Variants in DLGAP1 observed in about 807,000 individuals in gnomAD.
DLGAP1 encodes the protein DLG associated protein 1.
Under a neutral mutation model 90.8 loss-of-function variants are expected in DLGAP1, and 11 were observed. The ratio of observed to expected loss-of-function variants is 0.12; its 90% confidence interval spans 0.08 to 0.20. The LOEUF is 0.20. Among genes scored for constraint, DLGAP1 ranks in the 10% least tolerant of loss-of-function variants. The pLI is 1.00. For synonymous variants in DLGAP1, 558 were observed against 540.7 expected, an observed-to-expected ratio of 1.03 and a Z score of -0.44; for missense variants, 1,050 against 1,333.8, an observed-to-expected ratio of 0.79 and a Z score of 3.31.
intron 4 of DLGAP1, among the ~76,000 whole-genome samples, chr18:3,832,478 A>G (rs1204068903): frequency 3.3e-5 from 5 of 152,210 alleles, no homozygotes; most frequent in Non-Finnish European, 5.9e-5. Context: ...GTAGGCACTT[A>G]GCCACCTACT....
In DLGAP1 at chr18:4,333,450, T is replaced by C. The variant is rs2080994469; in HGVS notation, c.-267+121556A>G. Among the ~76,000 whole-genome samples, 3 of 151,718 alleles carry C rather than the reference T, an allele frequency of 2.0e-5. No individual in the cohort carries two copies. In the South Asian group the frequency reaches 6.2e-4, roughly 31 times the overall value. On this transcript the variant is annotated intron_variant, in intron 1 of 12. Transcript: ENST00000315677. ...TCTCAGTGGCCAAAGCAACCCACTT[T>C]TGGATAGGAAGACCTATAATGTCAC...
intron 7 of DLGAP1, among the ~76,000 whole-genome samples, chr18:3,609,420 T>A (rs2057488154): frequency 6.6e-6 from 1 of 152,196 alleles, no homozygotes; most frequent in African/African-American, 2.4e-5. Flanking sequence ...TTTCTGTTAC[T>A]AATCTGTCTT....
rs541725193 is a variant in DLGAP1, at chr18:4,036,327, G to C, written c.-158-31126C>G. 2.6e-5 allele frequency among the ~76,000 whole-genome samples: 4 copies of C among 152,284 alleles called. No homozygotes were observed. In the East Asian group the frequency reaches 7.7e-4, roughly 29 times the overall value. On this transcript the variant is annotated intron_variant, in intron 2 of 12. Transcript: ENST00000315677. Reference sequence around the variant, plus strand: ...ACTGCATTTTGAAATGCAGTACTTAGGAAGAATCTTGGAGAGCATTTAATT... The same window carrying C: ...ACTGCATTTTGAAATGCAGTACTTACGAAGAATCTTGGAGAGCATTTAATT...
At chr18:3,745,648 G>T (rs1253406474) in intron 5 of DLGAP1, among the ~76,000 whole-genome samples, 2 of 152,100 alleles carry the variant, frequency 1.3e-5, no homozygotes, top group Non-Finnish European at 2.9e-5. Flanking sequence ...AAAACAAGGG[G>T]AGGAATGCCC....
intron 2 of DLGAP1, among the ~76,000 whole-genome samples, chr18:4,020,913 C>T (rs1351165940): frequency 6.6e-6 from 1 of 152,138 alleles, no homozygotes; most frequent in African/African-American, 2.4e-5. Context: ...TTTGCACAAC[C>T]TGTGTTCTGT....
chr18:3,865,861 T>G (rs1217651314), intron 4 of DLGAP1, among the ~76,000 whole-genome samples: 1 of 152,216 alleles, frequency 6.6e-6, no homozygotes, highest in Non-Finnish European at 1.5e-5. Context: ...CTTAGTAAGT[T>G]AAAGTTCTTC....
At chr18:3,646,647 G>A (rs137914065) in intron 7 of DLGAP1, among the ~76,000 whole-genome samples, 428 of 152,024 alleles carry the variant, frequency 2.8e-3, no homozygotes, top group African/African-American at 9.5e-3. Flanking sequence ...TGTAACAGCC[G>A]GGCACGGTGG....
chr18:4,361,447 C>T (rs2081628305), intron 1 of DLGAP1, among the ~76,000 whole-genome samples: 1 of 152,112 alleles, frequency 6.6e-6, no homozygotes, highest in Non-Finnish European at 1.5e-5. Flanking sequence ...AGAAATAAAT[C>T]TTTACATTAA....
intron 3 of DLGAP1, among the ~76,000 whole-genome samples, chr18:3,970,593 T>C (rs2073425401): frequency 6.6e-6 from 1 of 151,846 alleles, no homozygotes; most frequent in Admixed American, 6.6e-5. Context: ...TTCTAGAAAA[T>C]CTAAAAAATA....
chr18:3,782,738 A>T (rs1298039318), intron 5 of DLGAP1, among the ~76,000 whole-genome samples: 1 of 152,348 alleles, frequency 6.6e-6, no homozygotes, highest in South Asian at 2.1e-4. Context: ...TTTCAAACTT[A>T]TATTTGAATG....
At chr18:4,407,897 TAAA>T (rs1334036856) in intron 1 of DLGAP1, among the ~76,000 whole-genome samples, 16 of 144,070 alleles carry the variant, frequency 1.1e-4, no homozygotes, top group Non-Finnish European at 2.2e-4. Context: ...AATATATAAA[TAAA>T]TAAGAAAAGT....
intron 3 of DLGAP1, among the ~76,000 whole-genome samples, chr18:3,948,610 C>T (rs928873604): frequency 6.6e-6 from 1 of 152,142 alleles, no homozygotes. Flanking sequence ...TTAAAAATGA[C>T]TTTCAGCATA....
intron 1 of DLGAP1, among the ~76,000 whole-genome samples, chr18:4,377,269 G>C (rs2082033362): frequency 6.6e-6 from 1 of 152,118 alleles, no homozygotes; most frequent in Non-Finnish European, 1.5e-5. Flanking sequence ...GCAAACTGGA[G>C]AGAGCATTTA....
At chr18:4,213,419 A>T (rs1386866473) in intron 1 of DLGAP1, among the ~76,000 whole-genome samples, 1 of 152,152 alleles carries the variant, frequency 6.6e-6, no homozygotes, top group Non-Finnish European at 1.5e-5. Context: ...GATGCATTGG[A>T]GTGACAGCAA....
chr18:3,919,739 A>G (rs2072225044), intron 3 of DLGAP1, among the ~76,000 whole-genome samples: 1 of 152,258 alleles, frequency 6.6e-6, no homozygotes, highest in African/African-American at 2.4e-5. Context: ...GCAGTTCTAC[A>G]ATATTATCAC....
At chr18:4,356,188 G>A (rs922703311) in intron 1 of DLGAP1, among the ~76,000 whole-genome samples, 1 of 151,856 alleles carries the variant, frequency 6.6e-6, no homozygotes, top group Non-Finnish European at 1.5e-5. Context: ...CTGATGAGTG[G>A]CTCCTTCTTG....
At chr18:4,336,859 G>A (rs1209729274) in intron 1 of DLGAP1, among the ~76,000 whole-genome samples, 2 of 150,938 alleles carry the variant, frequency 1.3e-5, no homozygotes, top group Non-Finnish European at 2.9e-5. Context: ...TTAGCATTAC[G>A]GTATCTAGAG....
At chr18:4,390,509 G>A (rs2082320226) in intron 1 of DLGAP1, among the ~76,000 whole-genome samples, 1 of 152,032 alleles carries the variant, frequency 6.6e-6, no homozygotes, top group Non-Finnish European at 1.5e-5. Flanking sequence ...AAAATTCTCT[G>A]TGCCCAACCT....
At chr18:3,570,258 A>T (rs2054689821) in intron 8 of DLGAP1, among the ~76,000 whole-genome samples, 1 of 149,948 alleles carries the variant, frequency 6.7e-6, no homozygotes, top group Non-Finnish European at 1.5e-5. Flanking sequence ...GGGCTTATTG[A>T]CCTTCCCTCT....
Sources: gnomAD v4.1 joint callset for allele counts (sites outside exome capture counted in the v4.1 genomes callset) on GRCh38, gnomAD v4.1.1 for gene constraint, MANE v1.5 for transcripts, NCBI Gene and HGNC (gene_info 2026-07-23, HGNC 2026-07-21) for gene names.